Variants in HEPH observed in about 807,000 individuals in gnomAD.
The protein encoded by HEPH is hephaestin.
HEPH carries 69 observed loss-of-function variants against 80.8 expected under a neutral mutation model. The ratio of observed to expected loss-of-function variants is 0.85; its 90% CI spans 0.70 to 1.04. The LOEUF (loss-of-function observed/expected upper bound fraction) is 1.04, where lower values mean the gene tolerates loss of function less well. Ranked by LOEUF, HEPH falls within the 50% of genes least tolerant of loss-of-function variation. HEPH has a pLI of 0.00. For missense variants in HEPH, 1,115 were observed against 891.3 expected (o/e 1.25, Z -3.20); for synonymous variants, 431 against 322.8 (o/e 1.34, Z -3.60).
Position 66,172,596 on chromosome X carries a change from G to C in HEPH, c.409G>C (p.Glu137Gln). The C allele has an allele frequency of 8.7e-7, 1 of 1,147,428 alleles. No homozygotes were observed. The highest frequency in any genetic ancestry group is 2.3e-5 in the South Asian group (1 of 43,755). The allele number at this position is 1,147,428 out of a possible 1,213,427, so 94.6% of individuals were successfully genotyped here. A position where few individuals can be genotyped will look rare whatever the true frequency, so the allele number is the denominator to read the frequency against. The change falls in exon 3 of 21, where the codon GAA (glutamate) becomes CAA (glutamine). Residue 137 changes from glutamate (E) to glutamine (Q), a missense_variant. Transcript: ENST00000343002. ...TGGTGTCTTCTACGAGAAGGACTCT[G>C]AAGGTAAACCATTCCACCGTTTCTT... ...PHGVFYEKDS[E>Q]GSLYPDGSSG...
At chrX:66,176,478 G>A (rs1249939917) in intron 4 of HEPH, among the ~76,000 whole-genome samples, 2 of 111,254 alleles carry the variant, frequency 1.8e-5, no homozygotes, top group Non-Finnish European at 3.8e-5. Context: ...CAGGGATATC[G>A]GTCTGTAGTT....
chrX:66,169,728 A>C (rs756784881), intron 1 of HEPH, among the ~76,000 whole-genome samples: 2 of 112,207 alleles, frequency 1.8e-5, no homozygotes, highest in Admixed American at 9.5e-5. Context: ...CACAAACTGA[A>C]CACGCTTTTA....
chrX:66,225,867 C>T (rs914024221), intron 15 of HEPH, among the ~76,000 whole-genome samples: 8 of 112,486 alleles, frequency 7.1e-5, no homozygotes, highest in African/African-American at 2.6e-4. Context: ...CAGATAAAAC[C>T]CCTCAGACAC....
At chrX:66,257,473 G>C (rs758837118) in intron 17 of HEPH, among the ~76,000 whole-genome samples, 2 of 112,124 alleles carry the variant, frequency 1.8e-5, no homozygotes, top group South Asian at 7.4e-4. Context: ...AAAGAGAGAT[G>C]CTTAAGATCA....
intron 15 of HEPH, among the ~76,000 whole-genome samples, chrX:66,244,596 A>G (rs1216653583): frequency 9.0e-6 from 1 of 111,088 alleles, no homozygotes; most frequent in Non-Finnish European, 1.9e-5. Flanking sequence ...TTGGGTTTCT[A>G]CTTTCTCCTG....
intron 19 of HEPH, among the ~76,000 whole-genome samples, chrX:66,263,056 G>A (rs894159407): frequency 2.7e-5 from 3 of 110,927 alleles, no homozygotes; most frequent in African/African-American, 6.6e-5. Flanking sequence ...ACTGAGCCAG[G>A]TACTAAAGAC....
At chrX:66,226,749 A>G (rs770980405) in intron 15 of HEPH, among the ~76,000 whole-genome samples, 23 of 111,974 alleles carry the variant, frequency 2.1e-4, no homozygotes, top group African/African-American at 7.1e-4. Flanking sequence ...AGAAAGAAAT[A>G]GAAACCTGTA....
chrX:66,259,985 A>G, intron 18 of HEPH, 115 bp from the exon 19 acceptor site: 1 of 566,317 alleles, frequency 1.8e-6, no homozygotes, highest in Non-Finnish European at 2.9e-6. Context: ...CTGGTCTAGG[A>G]ACCTTGAAGT....
At chrX:66,209,506 G>C (rs1235687952) in intron 15 of HEPH, among the ~76,000 whole-genome samples, 1 of 111,854 alleles carries the variant, frequency 8.9e-6, no homozygotes, top group East Asian at 2.8e-4. Flanking sequence ...ATGGGTGAAG[G>C]TAAAGTACAG....
chrX:66,242,745 A>G (rs1456318628), intron 15 of HEPH, among the ~76,000 whole-genome samples: 1 of 112,199 alleles, frequency 8.9e-6, no homozygotes, highest in Non-Finnish European at 1.9e-5. Context: ...TCTGTGGCCA[A>G]CAAGCATATG....
intron 9 of HEPH, among the ~76,000 whole-genome samples, chrX:66,195,756 T>C (rs1335546668): frequency 8.9e-6 from 1 of 111,915 alleles, no homozygotes; most frequent in African/African-American, 3.2e-5. Flanking sequence ...CATGTAGGTT[T>C]TTTTCAGTAT....
intron 17 of HEPH, among the ~76,000 whole-genome samples, chrX:66,256,681 C>A (rs1452796678): frequency 9.0e-6 from 1 of 111,682 alleles, no homozygotes; most frequent in Non-Finnish European, 1.9e-5. Context: ...ATTTTAAAAC[C>A]CTGAGTTTAG....
At chrX:66,221,754 T>C (rs1263166883) in intron 15 of HEPH, among the ~76,000 whole-genome samples, 1 of 112,967 alleles carries the variant, frequency 8.9e-6, no homozygotes, top group African/African-American at 3.2e-5. Flanking sequence ...GTAATTGCTG[T>C]TGGTTGTAAT....
chrX:66,250,011 G>T (rs1159107661), intron 15 of HEPH, among the ~76,000 whole-genome samples: 1 of 111,130 alleles, frequency 9.0e-6, no homozygotes, highest in Non-Finnish European at 1.9e-5. Context: ...GAGGGAATTT[G>T]GACCAGATAG....
In HEPH at chrX:66,207,312, A is replaced by G; in HGVS notation, c.2409A>G (p.Pro803=). The part of the protein sequence containing the change: ...TFRIPRPRTG[P]EEHLGILGPL... ...GGATCCCTCGGCCAAGGACTGGACC[A>G]GAAGAACACTTGGGAATCTTGGGTA... The change falls in exon 14 of 21, where the codon CCA becomes CCG. Residue 803 remains proline, a synonymous_variant. Transcript: ENST00000343002. The G allele has an allele frequency of 8.4e-7, 1 of 1,191,099 alleles. No individual in the cohort carries two copies. Among genetic ancestry groups the G allele is most frequent in the Non-Finnish European group, 1.1e-6 (1 of 884,079 alleles).
At chrX:66,261,898 G>A (rs1318531963) in intron 19 of HEPH, among the ~76,000 whole-genome samples, 2 of 112,394 alleles carry the variant, frequency 1.8e-5, no homozygotes, top group Non-Finnish European at 3.8e-5. Context: ...CAAAAGTCAA[G>A]TGATCAATTG....
chrX:66,218,780 TTAG>T (rs1373404014), intron 15 of HEPH, among the ~76,000 whole-genome samples: 1 of 110,808 alleles, frequency 9.0e-6, no homozygotes. Flanking sequence ...GCACCGGTAA[TTAG>T]AATGGAACAG....
At chrX:66,218,746 G>T (rs758697891) in intron 15 of HEPH, among the ~76,000 whole-genome samples, 2 of 110,914 alleles carry the variant, frequency 1.8e-5, no homozygotes, top group South Asian at 7.7e-4. Context: ...GAGCAAGCAG[G>T]GGGTACGTGA....
intron 15 of HEPH, among the ~76,000 whole-genome samples, chrX:66,229,773 T>G (rs766032874): frequency 1.8e-5 from 2 of 111,704 alleles, no homozygotes; most frequent in African/African-American, 3.3e-5. Flanking sequence ...TTACTCTTTT[T>G]TTTTGTTTTG....
Sources: allele counts gnomAD v4.1 joint callset (sites outside exome capture counted in the v4.1 genomes callset), GRCh38; gene constraint gnomAD v4.1.1; transcripts MANE v1.5; gene names NCBI Gene and HGNC (gene_info 2026-07-23, HGNC 2026-07-21).